The following UNC79 variants were observed in gnomAD, a reference collection of about 807,000 sequenced individuals.
UNC79 encodes protein unc-79 homolog.
A neutral mutation model predicts 283.1 loss-of-function variants in UNC79; 37 were observed. That is an observed-to-expected ratio of 0.13 (90% CI 0.10 to 0.17). The LOEUF (loss-of-function observed/expected upper bound fraction) is 0.17, where lower values mean the gene tolerates loss of function less well. UNC79 is among the 10% of genes least tolerant of loss of function. The pLI is 1.00. For missense variants in UNC79, 2,272 were observed against 3,211.1 expected (o/e 0.71, Z 7.07); for synonymous variants, 1,107 against 1,200.2 (o/e 0.92, Z 1.61).
At chr14:93,449,995 G>A (rs537278046) in intron 1 of UNC79, among the ~76,000 whole-genome samples, 1 of 152,272 alleles carries the variant, frequency 6.6e-6, no homozygotes, top group Admixed American at 6.5e-5. Context: ...ATGAAGATGT[G>A]CGAAACAGTC....
At chr14:93,657,174 C>G (rs2071036664) in intron 38 of UNC79, among the ~76,000 whole-genome samples, 3 of 152,048 alleles carry the variant, frequency 2.0e-5, no homozygotes, top group African/African-American at 7.2e-5. Context: ...TAAATCCAAG[C>G]AAGAAGGGTT....
At chr14:93,625,907 G>A (rs1232040403) in intron 30 of UNC79, among the ~76,000 whole-genome samples, 1 of 152,174 alleles carries the variant, frequency 6.6e-6, no homozygotes, top group Non-Finnish European at 1.5e-5. Context: ...ATTAAGAAAT[G>A]TGCTTGAATT....
chr14:93,422,663 T>C (rs556916313), intron 1 of UNC79, among the ~76,000 whole-genome samples: 1 of 152,318 alleles, frequency 6.6e-6, no homozygotes, highest in African/African-American at 2.4e-5. Context: ...AACAATGTTA[T>C]ATTAAAAACA....
chr14:93,415,052 A>G (rs1170995970), intron 1 of UNC79, among the ~76,000 whole-genome samples: 2 of 152,120 alleles, frequency 1.3e-5, no homozygotes, highest in Admixed American at 6.6e-5. Flanking sequence ...AACTTCCAAC[A>G]CTATGTTGAA....
chr14:93,526,567 T>C (rs370069519), intron 8 of UNC79, among the ~76,000 whole-genome samples: 24 of 152,300 alleles, frequency 1.6e-4, no homozygotes, highest in East Asian at 1.2e-3. Flanking sequence ...TTCCAAAGCC[T>C]CTACATTGGG....
intron 4 of UNC79, among the ~76,000 whole-genome samples, chr14:93,479,019 T>C (rs998647972): frequency 1.8e-4 from 28 of 152,190 alleles, no homozygotes; most frequent in Non-Finnish European, 3.7e-4. Flanking sequence ...TAATACAATA[T>C]TTGATCATTT....
intron 5 of UNC79, among the ~76,000 whole-genome samples, chr14:93,494,841 T>C (rs2058943268): frequency 6.6e-6 from 1 of 152,220 alleles, no homozygotes; most frequent in Admixed American, 6.5e-5. Flanking sequence ...GTTTACTTAA[T>C]AGGAAGTCCT....
intron 14 of UNC79, among the ~76,000 whole-genome samples, chr14:93,569,589 C>T (rs746342609): frequency 2.6e-5 from 4 of 152,174 alleles, no homozygotes; most frequent in African/African-American, 7.2e-5. Flanking sequence ...ACATATTTGC[C>T]TATTGTCAGG....
At chr14:93,656,082 TGGC>T (rs909761521) in intron 38 of UNC79, among the ~76,000 whole-genome samples, 3 of 152,186 alleles carry the variant, frequency 2.0e-5, no homozygotes, top group Non-Finnish European at 4.4e-5. Context: ...AACACAGTGG[TGGC>T]AATGTGAGGA....
chr14:93,683,821 G>A (rs1185241812), intron 42 of UNC79, among the ~76,000 whole-genome samples: 1 of 149,760 alleles, frequency 6.7e-6, no homozygotes, highest in East Asian at 1.9e-4. Flanking sequence ...AAATCGGCTA[G>A]CCAATCAGCA....
intron 1 of UNC79, among the ~76,000 whole-genome samples, chr14:93,374,438 T>TG (rs1380120185): frequency 1.3e-5 from 2 of 152,386 alleles, no homozygotes; most frequent in East Asian, 3.9e-4. Context: ...GTTTCCGACT[T>TG]GCTTGGGGCC....
At chr14:93,480,607 AT>A (rs1448935150) in intron 4 of UNC79, among the ~76,000 whole-genome samples, 2 of 152,210 alleles carry the variant, frequency 1.3e-5, no homozygotes, top group African/African-American at 4.8e-5. Flanking sequence ...CGATTACACC[AT>A]TCAGGTGTTT....
At chr14:93,579,787 A>G (rs530557378) in intron 18 of UNC79, among the ~76,000 whole-genome samples, 201 of 152,312 alleles carry the variant, frequency 1.3e-3, no homozygotes, top group African/African-American at 4.7e-3. Context: ...TTAGCAGCTC[A>G]TGGTATTTAG....
chr14:93,560,035 G>A (rs1345926772), intron 14 of UNC79, among the ~76,000 whole-genome samples: 1 of 152,048 alleles, frequency 6.6e-6, no homozygotes, highest in East Asian at 1.9e-4. Flanking sequence ...GGTAAGGGGT[G>A]ATATTGTGGG....
intron 1 of UNC79, among the ~76,000 whole-genome samples, chr14:93,350,799 T>C (rs2053967384): frequency 2.0e-5 from 3 of 152,234 alleles, no homozygotes; most frequent in Admixed American, 1.3e-4. Context: ...GACAACTCTC[T>C]TCCTCAGTTT....
Position 93,550,519 on chromosome 14 carries a change from A to AG in UNC79, c.1755+7823_1755+7824insG, listed in dbSNP as rs2061827459. Among the ~76,000 whole-genome samples the AG allele has an allele frequency of 3.0e-5, 3 of 99,176 alleles. 1 individual carries two copies. The South Asian group carries it at 1.1e-3, about 38-fold the overall frequency. 65.1% of individuals were successfully genotyped at this position (99,176 alleles called of 152,430 possible). On this transcript the variant is annotated intron_variant, in intron 14 of 48. Transcript: ENST00000555664. Reference sequence around the variant, plus strand: ...GACAGAGCAAGACTCCGTATCAAAAAAAAAAAAAAAAAAAAAAAAAAAGAG... The same window carrying AG: ...GACAGAGCAAGACTCCGTATCAAAAAGAAAAAAAAAAAAAAAAAAAAAAGAG...
intron 41 of UNC79, among the ~76,000 whole-genome samples, chr14:93,678,384 G>A (rs934284838): frequency 6.6e-6 from 1 of 152,126 alleles, no homozygotes; most frequent in South Asian, 2.1e-4. Context: ...TGCATTTCCC[G>A]TTCATTCTTT....
exon 29 of UNC79, chr14:93,618,213 A>G (rs901553261): frequency 6.2e-7 from 1 of 1,613,656 alleles, no homozygotes; most frequent in African/African-American, 1.3e-5. Flanking sequence ...AGACTGTGAT[A>G]TCAGCAAGAT....
chr14:93,346,023 A>G (rs1049169467), intron 1 of UNC79, among the ~76,000 whole-genome samples: 32 of 151,408 alleles, frequency 2.1e-4, no homozygotes, highest in African/African-American at 7.5e-4. Flanking sequence ...TCTCTGAAGG[A>G]CAATGATTTT....
Sources: allele counts gnomAD v4.1 joint callset (sites outside exome capture counted in the v4.1 genomes callset), GRCh38; gene constraint gnomAD v4.1.1; transcripts MANE v1.5; gene names NCBI Gene and HGNC (gene_info 2026-07-23, HGNC 2026-07-21).